LPAR3: variants seen among roughly 807,000 people sequenced by gnomAD.
The protein encoded by LPAR3 is LPA receptor 3.
In LPAR3, 7 loss-of-function variants were observed where a neutral mutation model predicts 17.8. The observed-to-expected ratio is 0.39, with a 90% confidence interval of 0.22 to 0.74. The LOEUF is 0.74. LPAR3 is among the 30% of genes least tolerant of loss of function. The pLI is 0.40. For synonymous variants in LPAR3, 179 were observed against 179.9 expected, an observed-to-expected ratio of 0.99 and a Z score of 0.04; for missense variants, 391 against 453.4, an observed-to-expected ratio of 0.86 and a Z score of 1.25.
chr1:84,829,251 A>C (rs1659236022), intron 2 of LPAR3, among the ~76,000 whole-genome samples: 1 of 147,486 alleles, frequency 6.8e-6, no homozygotes, highest in Non-Finnish European at 1.5e-5. Flanking sequence ...TAAACTTGAA[A>C]GTGGGAACTT....
chr1:84,865,861 A>G lies in LPAR3; in HGVS notation c.260T>C (p.Met87Thr), dbSNP rs145608417. 37 of 1,614,256 alleles carry G rather than the reference A, an allele frequency of 2.3e-5. No homozygotes were observed. The African/African-American group carries it at 4.7e-4, about 20-fold the overall frequency. ...FFAGIAYVFL[M>T]FNTGPVSKTL... The stretch of plus-strand genomic sequence containing the variant: ...TTTTGAAACTGGGCCTGTGTTAAAC[A>G]TCAGGAATACATAGGCAATTCCAGC... The change falls in exon 2 of 3, where the codon ATG (methionine) becomes ACG (threonine). Residue 87 changes from methionine (M) to threonine (T), a missense_variant. Transcript: ENST00000370611.
At chr1:84,854,626 A>G (rs1012182792) in intron 2 of LPAR3, among the ~76,000 whole-genome samples, 3 of 152,248 alleles carry the variant, frequency 2.0e-5, no homozygotes, top group African/African-American at 7.2e-5. Flanking sequence ...CCTTCAGGGT[A>G]GAGGCCATGT....
intron 1 of LPAR3, among the ~76,000 whole-genome samples, chr1:84,872,593 T>C (rs1355152055): frequency 1.3e-5 from 2 of 152,108 alleles, no homozygotes; most frequent in East Asian, 3.8e-4. Context: ...CATGAGTCCA[T>C]ACTGACATAA....
chr1:84,877,464 T>C (rs974997190), intron 1 of LPAR3, among the ~76,000 whole-genome samples: 6 of 152,164 alleles, frequency 3.9e-5, no homozygotes, highest in Non-Finnish European at 7.4e-5. Flanking sequence ...ACAAAGCAGC[T>C]TGGGGGCTCA....
chr1:84,813,617 G>T lies in LPAR3; in HGVS notation c.*229C>A. ...GAGCTCTGAGCAGTTCATAGGACAA[G>T]CAGGGACCCGCCGAACCTCTCCCGT... On this transcript the variant is annotated 3_prime_UTR_variant, in exon 3 of 3. Coordinates refer to ENST00000370611, the MANE Select transcript of LPAR3 (RefSeq NM_012152.3). The T allele has an allele frequency of 2.0e-6, 1 of 501,624 alleles. No homozygotes were observed. Among genetic ancestry groups the T allele is most frequent in the Non-Finnish European group, 3.6e-6 (1 of 279,730 alleles). 31.1% of individuals were successfully genotyped at this position (501,624 alleles called of 1,614,324 possible).
intron 1 of LPAR3, among the ~76,000 whole-genome samples, chr1:84,883,256 C>T (rs988883561): frequency 2.0e-5 from 3 of 152,142 alleles, no homozygotes; most frequent in African/African-American, 4.8e-5. Context: ...AAAGGGACCC[C>T]AACAGAGAAT....
chr1:84,823,009 A>T (rs1442835503), intron 2 of LPAR3, among the ~76,000 whole-genome samples: 1 of 152,224 alleles, frequency 6.6e-6, no homozygotes, highest in Non-Finnish European at 1.5e-5. Flanking sequence ...AGGAAAAAGC[A>T]GCAGGGCACA....
intron 2 of LPAR3, among the ~76,000 whole-genome samples, chr1:84,823,902 T>A (rs557560329): frequency 6.6e-6 from 1 of 152,152 alleles, no homozygotes; most frequent in Non-Finnish European, 1.5e-5. Flanking sequence ...GAATGACAGA[T>A]CCCAACTAAC....
chr1:84,880,347 C>G (rs749332674), intron 1 of LPAR3, among the ~76,000 whole-genome samples: 1 of 152,082 alleles, frequency 6.6e-6, no homozygotes, highest in Non-Finnish European at 1.5e-5. Flanking sequence ...TTTGCAAGTA[C>G]GTAAGCAAAG....
At chr1:84,842,879 A>G (rs1219493475) in intron 2 of LPAR3, among the ~76,000 whole-genome samples, 2 of 152,188 alleles carry the variant, frequency 1.3e-5, no homozygotes, top group African/African-American at 4.8e-5. Flanking sequence ...GGAGGAGAGC[A>G]AAGAAGAAAA....
rs1219431275 is a variant in LPAR3 at position 84,893,063 on chromosome 1, G to A, written c.-66C>T. ...CGAGCCCGGGAGCGGGGGCCCCTGC[G>A]GCTGCCGCATGCCCTCGGGGTCGAG... On this transcript the variant is annotated 5_prime_UTR_variant, in exon 1 of 3. Coordinates refer to ENST00000370611, the MANE Select transcript of LPAR3 (RefSeq NM_012152.3). 1.3e-5 allele frequency: 2 copies of A among 151,994 alleles called. No individual in the cohort carries two copies. Among genetic ancestry groups the A allele is most frequent in the East Asian group, 3.9e-4 (2 of 5,164 alleles). 9.4% of individuals were successfully genotyped at this position (151,994 alleles called of 1,614,324 possible).
intron 1 of LPAR3, among the ~76,000 whole-genome samples, chr1:84,884,331 G>C (rs184847573): frequency 6.6e-6 from 1 of 152,158 alleles, no homozygotes; most frequent in Non-Finnish European, 1.5e-5. Context: ...TACCCTTTCC[G>C]CAGAAAGTAA....
intron 1 of LPAR3, among the ~76,000 whole-genome samples, chr1:84,890,881 AGGCATG>A (rs1660540754): frequency 6.6e-6 from 1 of 152,162 alleles, no homozygotes; most frequent in South Asian, 2.1e-4. Context: ...AGCCAGCCTT[AGGCATG>A]TGTGTATAAG....
chr1:84,820,358 A>T (rs1659030759), intron 2 of LPAR3, among the ~76,000 whole-genome samples: 2 of 152,168 alleles, frequency 1.3e-5, no homozygotes, highest in South Asian at 4.1e-4. Context: ...GGTGAATGTG[A>T]CTGAAATTTA....
intron 1 of LPAR3, among the ~76,000 whole-genome samples, chr1:84,866,890 C>G (rs558179004): frequency 1.1e-4 from 16 of 152,316 alleles, no homozygotes; most frequent in African/African-American, 3.6e-4. Flanking sequence ...CTAACCCAAA[C>G]TGTACCAATG....
rs57199507 is a variant in LPAR3, at chr1:84,845,823, T to C, written c.736+19562A>G. On this transcript the variant is annotated intron_variant, in intron 2 of 2. Transcript: ENST00000370611. ...ATTTTTAGAAAAAAGTAGGGGCAAG[T>C]GAATTCACCAAGCTGTGAAAAGTAT... 6.0e-3 allele frequency among the ~76,000 whole-genome samples: 920 copies of C among 152,274 alleles called. 6 individuals carry two copies. Among genetic ancestry groups the C allele is most frequent in the African/African-American group, 0.02 (826 of 41,550 alleles).
chr1:84,883,780 C>A (rs1660407956), intron 1 of LPAR3, among the ~76,000 whole-genome samples: 1 of 151,642 alleles, frequency 6.6e-6, no homozygotes, highest in Admixed American at 6.6e-5. Flanking sequence ...GCAGTCTCTG[C>A]CACCTGACCC....
In LPAR3 at chr1:84,813,162, C is replaced by CAG. The variant is rs1658854619; in HGVS notation, c.*683_*684insCT. The CAG allele has an allele frequency of 6.9e-5, 2 of 29,002 alleles. No individual in the cohort carries two copies. Among genetic ancestry groups the CAG allele is most frequent in the African/African-American group, 4.2e-4 (2 of 4,772 alleles). 1.8% of individuals were successfully genotyped at this position (29,002 alleles called of 1,614,324 possible). On this transcript the variant is annotated 3_prime_UTR_variant, in exon 3 of 3. Coordinates refer to ENST00000370611, the MANE Select transcript of LPAR3 (RefSeq NM_012152.3). ...ATATATATATATATATATATATAGACACACACACACACACACACACACATG... is the reference window on the plus strand; with the variant it reads ...ATATATATATATATATATATATAGACAGACACACACACACACACACACACATG...
chr1:84,886,801 A>G lies in LPAR3; in HGVS notation c.-19+6215T>C, dbSNP rs1441570705. ...GTCAAGGAAAGTAGAAGATGAGTCC[A>G]GATGATCTGGTGGAGCCAGAAAATA... On this transcript the variant is annotated intron_variant, in intron 1 of 2. Coordinates refer to ENST00000370611, the MANE Select transcript of LPAR3 (RefSeq NM_012152.3). Among the ~76,000 whole-genome samples, 17 of 152,226 alleles carry G rather than the reference A, an allele frequency of 1.1e-4. 1 individual carries two copies. The highest frequency in any genetic ancestry group is 1.1e-3 in the Admixed American group (17 of 15,280).
Sources: gnomAD v4.1 joint callset for allele counts (sites outside exome capture counted in the v4.1 genomes callset) on GRCh38, gnomAD v4.1.1 for gene constraint, MANE v1.5 for transcripts, NCBI Gene and HGNC (gene_info 2026-07-23, HGNC 2026-07-21) for gene names.